Variants in FAM120A observed in about 807,000 individuals in gnomAD.
The protein encoded by FAM120A is constitutive coactivator of PPAR-gamma-like protein 1.
In FAM120A, 15 loss-of-function variants were observed where a neutral mutation model predicts 109.7. The observed-to-expected ratio is 0.14, with a 90% CI of 0.09 to 0.21. The LOEUF is 0.21. Ranked by LOEUF, FAM120A falls within the 10% of genes least tolerant of loss-of-function variation. The pLI is 1.00. For missense variants in FAM120A, 899 were observed against 1,439.3 expected, an observed-to-expected ratio of 0.62 and a Z score of 6.07; for synonymous variants, 493 against 572.8, an observed-to-expected ratio of 0.86 and a Z score of 1.99.
chr9:93,558,012 TGA>T lies in FAM120A; in HGVS notation c.2668+4_2668+5del. On this transcript the variant is annotated splice_donor_region_variant and intron_variant, in intron 14 of 17. Transcript: ENST00000277165. ...AGGGCAGGGGCAGAGGCTTTGCAGG[TGA>T]GTTGATTGGGACGTATTCCTGTGGG... 1 of 1,586,942 alleles carries T rather than the reference TGA, an allele frequency of 6.3e-7. No individual in the cohort carries two copies. The highest frequency in any genetic ancestry group is 8.5e-7 in the Non-Finnish European group (1 of 1,173,666).
chr9:93,482,433 C>T (rs868496244), intron 3 of FAM120A, among the ~76,000 whole-genome samples: 3 of 152,158 alleles, frequency 2.0e-5, no homozygotes, highest in Non-Finnish European at 2.9e-5. Flanking sequence ...TCACGCAATC[C>T]GCCTGCCTCA....
intron 7 of FAM120A, chr9:93,523,274 T>C (rs1408273344): frequency 7.8e-7 from 1 of 1,285,312 alleles, no homozygotes; most frequent in East Asian, 5.6e-5. Context: ...TTTCTTGTCC[T>C]TTAAGGCCTT....
At position 93,451,881 on chromosome 9, in the gene FAM120A, C is replaced by CCGCCCG. The variant is rs1039601442; in HGVS notation, c.-33_-28dup. ...CCACCACCCCCGGCCCCGCCGCCCC[C>CCGCCCG]CGCCCGCACCCGCGCCCGCGCCCCC... is the stretch of plus-strand genomic sequence containing the variant. On this transcript the variant is annotated 5_prime_UTR_variant, in exon 1 of 18. Transcript: ENST00000277165. 7 of 1,208,586 alleles carry CCGCCCG rather than the reference C, an allele frequency of 5.8e-6. No homozygotes were observed. In the South Asian group the frequency reaches 2.1e-4, roughly 36 times the overall value. The allele number at this position is 1,208,586 out of a possible 1,614,324, so 74.9% of individuals were successfully genotyped here. A position where few individuals can be genotyped will look rare whatever the true frequency, so the allele number is the denominator to read the frequency against.
intron 1 of FAM120A, among the ~76,000 whole-genome samples, chr9:93,458,241 A>C (rs1337522247): frequency 6.6e-6 from 1 of 152,032 alleles, no homozygotes; most frequent in Non-Finnish European, 1.5e-5. Flanking sequence ...AATTAGTGAG[A>C]AAAGTGACCC....
intron 5 of FAM120A, among the ~76,000 whole-genome samples, chr9:93,509,153 C>T (rs560457170): frequency 6.6e-6 from 1 of 152,350 alleles, no homozygotes; most frequent in East Asian, 1.9e-4. Context: ...TCCTCTAGGG[C>T]AGAAAGAGTG....
intron 12 of FAM120A, among the ~76,000 whole-genome samples, chr9:93,555,178 G>A (rs1426876137): frequency 1.3e-5 from 2 of 151,784 alleles, no homozygotes; most frequent in Non-Finnish European, 2.9e-5. Flanking sequence ...CTGCCCCCAA[G>A]GGAACATTTT....
At chr9:93,508,633 G>A (rs1346310766) in intron 5 of FAM120A, among the ~76,000 whole-genome samples, 1 of 152,162 alleles carries the variant, frequency 6.6e-6, no homozygotes, top group Non-Finnish European at 1.5e-5. Flanking sequence ...GTTGGTCCTG[G>A]GGCTGGTGTT....
At chr9:93,511,368 G>C (rs1452823040) in intron 5 of FAM120A, among the ~76,000 whole-genome samples, 1 of 152,212 alleles carries the variant, frequency 6.6e-6, no homozygotes, top group Non-Finnish European at 1.5e-5. Flanking sequence ...CTTAGCTCTT[G>C]GGAGTTGCTC....
rs897199158 is a variant in FAM120A at position 93,500,482 on chromosome 9, A to G, written c.1030+1596A>G. 3.3e-5 allele frequency among the ~76,000 whole-genome samples: 5 copies of G among 151,118 alleles called. No individual in the cohort carries two copies. The highest frequency in any genetic ancestry group is 4.9e-5 in the African/African-American group (2 of 41,010). On this transcript the variant is annotated intron_variant, in intron 5 of 17. Coordinates refer to ENST00000277165, the MANE Select transcript of FAM120A (RefSeq NM_014612.5). This position sits in a 1 kb window ranked among gnomAD's most constrained non-coding sequence, Gnocchi z 4.6. The stretch of plus-strand genomic sequence containing the variant: ...TCTGCCTGGCTTTAAATCTCTGCAC[A>G]CTCCTTGGCTTCTATTTGTCACCAC...
chr9:93,451,876 G>A lies in FAM120A; in HGVS notation c.-40G>A, dbSNP rs1451234872. 7.2e-6 allele frequency: 7 copies of A among 974,896 alleles called. No homozygotes were observed. Among genetic ancestry groups the A allele is most frequent in the Non-Finnish European group, 8.9e-6 (7 of 790,554 alleles). The allele number at this position is 974,896 out of a possible 1,614,324, so 60.4% of individuals were successfully genotyped here. ...CGGCCCCACCACCCCCGGCCCCGCC[G>A]CCCCCCGCCCGCACCCGCGCCCGCG... On this transcript the variant is annotated 5_prime_UTR_variant, in exon 1 of 18. Transcript: ENST00000277165.
intron 13 of FAM120A, among the ~76,000 whole-genome samples, chr9:93,556,802 A>G (rs1301180266): frequency 2.0e-5 from 3 of 152,204 alleles, no homozygotes; most frequent in South Asian, 2.1e-4. Flanking sequence ...TGTGGTAGTA[A>G]TGTTCTAAAA....
rs899374388 is a variant in FAM120A at position 93,467,256 on chromosome 9, C to G, written c.475-3885C>G. Reference sequence around the variant, plus strand: ...GCCAGATCTGCTGTCACCCCCCCCCCCCTTTTCCCCCATTGAATAACTGTG... The same window carrying G: ...GCCAGATCTGCTGTCACCCCCCCCCGCCTTTTCCCCCATTGAATAACTGTG... On this transcript the variant is annotated intron_variant, in intron 1 of 17. Coordinates refer to ENST00000277165, the MANE Select transcript of FAM120A (RefSeq NM_014612.5). Among the ~76,000 whole-genome samples the G allele has an allele frequency of 7.9e-5, 9 of 113,570 alleles. 1 individual carries two copies. In the South Asian group the frequency reaches 1.8e-3, roughly 22 times the overall value. The allele number at this position is 113,570 out of a possible 152,430, so 74.5% of individuals were successfully genotyped here. A position where few individuals can be genotyped will look rare whatever the true frequency, so the allele number is the denominator to read the frequency against.
rs779921333 is a variant in FAM120A, at chr9:93,452,104, C to A, written c.189C>A (p.Thr63=). 6.2e-7 allele frequency: 1 copy of A among 1,610,076 alleles called. No individual in the cohort carries two copies. The highest frequency in any genetic ancestry group is 1.7e-5 in the Admixed American group (1 of 59,878). ...ACCGCCTCTACGGCGGCTTCTACAC[C>A]GACTGGGTCAGCGGCGGCCAGTGGA... ...CLHRLYGGFY[T]DWVSGGQWNH... Residue 63 remains threonine (T), a synonymous_variant, in exon 1 of 18, where the codon ACC becomes ACA. Transcript: ENST00000277165. This position sits in a 1 kb window ranked among gnomAD's most constrained non-coding sequence, Gnocchi z 7.0.
Position 93,451,838 on chromosome 9 carries a change from C to G in FAM120A, c.-78C>G. The G allele has an allele frequency of 1.0e-6, 1 of 966,762 alleles. No homozygotes were observed. The allele number at this position is 966,762 out of a possible 1,614,324, so 59.9% of individuals were successfully genotyped here. Reference sequence around the variant, plus strand: ...AGGCCGCCGCCCCCGCCCGCCAGCCCGCCCGCGCGCCACGGCCCCACCACC... The same window carrying G: ...AGGCCGCCGCCCCCGCCCGCCAGCCGGCCCGCGCGCCACGGCCCCACCACC... On this transcript the variant is annotated 5_prime_UTR_variant, in exon 1 of 18. Coordinates refer to ENST00000277165, the MANE Select transcript of FAM120A (RefSeq NM_014612.5).
chr9:93,540,168 G>A (rs1019029385), intron 10 of FAM120A, among the ~76,000 whole-genome samples: 3 of 152,194 alleles, frequency 2.0e-5, no homozygotes, highest in African/African-American at 7.2e-5. Context: ...ACATGCCTGT[G>A]CAGATTGCCT....
chr9:93,496,533 G>A (rs1295365672), intron 3 of FAM120A, among the ~76,000 whole-genome samples: 1 of 152,316 alleles, frequency 6.6e-6, no homozygotes, highest in East Asian at 1.9e-4. Context: ...AGGCTCTCGG[G>A]AGGATCCCAG....
At chr9:93,475,767 T>C (rs1176338548) in intron 2 of FAM120A, among the ~76,000 whole-genome samples, 2 of 152,230 alleles carry the variant, frequency 1.3e-5, no homozygotes, top group African/African-American at 2.4e-5. Flanking sequence ...GGGTGTTGAT[T>C]CATGTTACAA....
chr9:93,510,436 C>T (rs994607484), intron 5 of FAM120A, among the ~76,000 whole-genome samples: 3 of 152,134 alleles, frequency 2.0e-5, no homozygotes, highest in Admixed American at 6.5e-5. Flanking sequence ...TTGTTAATGG[C>T]GTTTCAATAT....
chr9:93,483,271 T>G (rs1217338662), intron 3 of FAM120A, among the ~76,000 whole-genome samples: 1 of 152,198 alleles, frequency 6.6e-6, no homozygotes, highest in Non-Finnish European at 1.5e-5. Flanking sequence ...TATAATAGTT[T>G]AGTAAGAGCT....
Sources: allele counts gnomAD v4.1 joint callset (sites outside exome capture counted in the v4.1 genomes callset), GRCh38; gene constraint gnomAD v4.1.1; non-coding constraint Gnocchi (gnomAD v3.1); transcripts MANE v1.5; gene names NCBI Gene and HGNC (gene_info 2026-07-23, HGNC 2026-07-21).